MREG: variants seen among roughly 807,000 people sequenced by gnomAD.
MREG encodes melanoregulin.
MREG carries 31 observed loss-of-function variants against 28.5 expected under a neutral mutation model. The observed-to-expected ratio is 1.09, with a 90% CI of 0.82 to 1.47. The LOEUF (loss-of-function observed/expected upper bound fraction) is 1.47. Ranked by LOEUF, MREG falls within the 40% of genes most tolerant of loss-of-function variation. The pLI is 0.00. For synonymous variants in MREG, 106 were observed against 95.2 expected, an observed-to-expected ratio of 1.11 and a Z score of -0.66; for missense variants, 256 against 257.4, an observed-to-expected ratio of 0.99 and a Z score of 0.04.
intron 1 of MREG, among the ~76,000 whole-genome samples, chr2:216,001,186 C>T (rs1015054235): frequency 2.0e-5 from 3 of 152,206 alleles, no homozygotes; most frequent in Non-Finnish European, 2.9e-5. Context: ...CAGCATAAAA[C>T]ACCAGCCTCT....
chr2:215,951,366 T>G (rs1345321834), intron 2 of MREG, among the ~76,000 whole-genome samples: 1 of 152,242 alleles, frequency 6.6e-6, no homozygotes, highest in Non-Finnish European at 1.5e-5. Flanking sequence ...TAATGATTTA[T>G]CTTTTAAGCT....
intron 2 of MREG, among the ~76,000 whole-genome samples, chr2:215,974,652 G>A (rs551975840): frequency 2.0e-5 from 3 of 152,214 alleles, no homozygotes; most frequent in Admixed American, 6.5e-5. Context: ...GACTTTACAG[G>A]CAGGGGAGGG....
Position 216,013,277 on chromosome 2 carries a change from C to T in MREG, c.51G>A (p.Glu17=), listed in dbSNP as rs1401555295. The T allele has an allele frequency of 1.3e-6, 2 of 1,549,968 alleles. No individual in the cohort carries two copies. Among genetic ancestry groups the T allele is most frequent in the Non-Finnish European group, 1.7e-6 (2 of 1,146,750 alleles). The stretch of plus-strand genomic sequence containing the variant: ...CAGGCAGGGCGCGCTCCTCCAAGCA[C>T]TCGCACCCGCAGCAGCAGCACACGG... ...LRTVCCCCGC[E]CLEERALPEK... Residue 17 remains glutamate, a synonymous_variant, in exon 1 of 5, where the codon GAG becomes GAA. Coordinates refer to ENST00000263268, the MANE Select transcript of MREG (RefSeq NM_018000.3).
intron 2 of MREG, among the ~76,000 whole-genome samples, chr2:215,972,116 A>G (rs1243259093): frequency 6.6e-6 from 1 of 152,058 alleles, no homozygotes; most frequent in East Asian, 1.9e-4. Context: ...CGTGTCCTCT[A>G]CCTTCAGGAC....
At chr2:216,031,691 G>GAAAGAAAGAAGGAA (rs1473248845) in intron 1 of MREG, among the ~76,000 whole-genome samples, 1 of 61,102 alleles carries the variant, frequency 1.6e-5, no homozygotes, top group African/African-American at 6.0e-5. Context: ...AAGAAAGAAA[G>GAAAGAAAGAAGGAA]AGAAAGAAAG....
intron 1 of MREG, among the ~76,000 whole-genome samples, chr2:216,000,289 G>A (rs547485428): frequency 9.9e-4 from 150 of 152,246 alleles, no homozygotes; most frequent in African/African-American, 3.3e-3. Context: ...TGGGGATCTC[G>A]GAGGAGCCAC....
chr2:215,998,962 T>C (rs1046975567), intron 1 of MREG, among the ~76,000 whole-genome samples: 1 of 152,180 alleles, frequency 6.6e-6, no homozygotes, highest in Non-Finnish European at 1.5e-5. Context: ...GAAGAAGTGA[T>C]ACGTTATGTA....
intron 2 of MREG, among the ~76,000 whole-genome samples, chr2:215,967,020 C>T (rs532849839): frequency 2.9e-4 from 44 of 152,284 alleles, no homozygotes; most frequent in African/African-American, 7.7e-4. Context: ...CTCTTACAAA[C>T]GCTGATGCCA....
intron 1 of MREG, among the ~76,000 whole-genome samples, chr2:216,023,440 G>T (rs1694553988): frequency 6.6e-6 from 1 of 152,152 alleles, no homozygotes. Context: ...AAACCTGTTA[G>T]GGCACTGCTA....
intron 2 of MREG, among the ~76,000 whole-genome samples, chr2:215,966,359 T>G (rs1692938893): frequency 6.6e-6 from 1 of 152,194 alleles, no homozygotes; most frequent in South Asian, 2.1e-4. Flanking sequence ...TCCATATTTT[T>G]CATGACCTAC....
intron 1 of MREG, among the ~76,000 whole-genome samples, chr2:216,026,812 T>C (rs960598510): frequency 1.3e-5 from 2 of 152,218 alleles, no homozygotes; most frequent in Non-Finnish European, 2.9e-5. Flanking sequence ...GAACCTTAAT[T>C]TTTTAATAAC....
chr2:215,996,204 A>T (rs1378611958), intron 2 of MREG, 102 bp downstream of exon 2: 4 of 1,229,980 alleles, frequency 3.3e-6, no homozygotes, highest in Non-Finnish European at 4.4e-6. Flanking sequence ...CAAACATTTC[A>T]TCCTTCATTC....
At chr2:215,956,986 C>T (rs1469448206) in intron 2 of MREG, among the ~76,000 whole-genome samples, 1 of 152,140 alleles carries the variant, frequency 6.6e-6, no homozygotes, top group Non-Finnish European at 1.5e-5. Context: ...CTTCCCCAAG[C>T]ACACACAGCA....
chr2:215,985,956 T>G (rs1198284330), intron 2 of MREG, among the ~76,000 whole-genome samples: 1 of 152,162 alleles, frequency 6.6e-6, no homozygotes, highest in Non-Finnish European at 1.5e-5. Flanking sequence ...TTATCCTGTG[T>G]GGAAAAGAAA....
intron 1 of MREG, among the ~76,000 whole-genome samples, chr2:216,009,406 T>C (rs986416527): frequency 3.3e-5 from 5 of 151,796 alleles, no homozygotes; most frequent in African/African-American, 9.7e-5. Flanking sequence ...ATCCCAGCAC[T>C]GAAAAAGTTC....
At chr2:216,021,794 T>A (rs1159576173) in intron 1 of MREG, among the ~76,000 whole-genome samples, 1 of 152,228 alleles carries the variant, frequency 6.6e-6, no homozygotes, top group Non-Finnish European at 1.5e-5. Flanking sequence ...GCAATTATTG[T>A]TAAGTATTCA....
chr2:215,979,463 CAAA>C (rs747741518), intron 2 of MREG, among the ~76,000 whole-genome samples: 31 of 105,716 alleles, frequency 2.9e-4, no homozygotes, highest in Non-Finnish European at 4.6e-4. Flanking sequence ...AACTCCATCT[CAAA>C]AAATAATAAT....
intron 2 of MREG, among the ~76,000 whole-genome samples, chr2:215,984,368 G>A (rs990232220): frequency 4.0e-5 from 6 of 151,800 alleles, no homozygotes; most frequent in African/African-American, 1.5e-4. Flanking sequence ...AAAAATGTAA[G>A]AGCAGCCAGT....
chr2:216,018,363 C>A, upstream of MREG, among the ~76,000 whole-genome samples: 1 of 152,204 alleles, frequency 6.6e-6, no homozygotes. Context: ...TTTGCAATAT[C>A]CCCAACGCCT....
Sources: gnomAD v4.1 joint callset for allele counts (sites outside exome capture counted in the v4.1 genomes callset) on GRCh38, gnomAD v4.1.1 for gene constraint, MANE v1.5 for transcripts, NCBI Gene and HGNC (gene_info 2026-07-23, HGNC 2026-07-21) for gene names.